MIA2: variants seen among roughly 807,000 people sequenced by gnomAD.
The protein encoded by MIA2 is melanoma inhibitory activity protein 2.
In MIA2, 127 loss-of-function variants were observed where a neutral mutation model predicts 167.8. The ratio of observed to expected loss-of-function variants is 0.76; its 90% CI spans 0.66 to 0.88. The LOEUF (loss-of-function observed/expected upper bound fraction) is 0.88, where lower values mean the gene tolerates loss of function less well. MIA2 is among the 40% of genes least tolerant of loss of function. The probability of loss-of-function intolerance (pLI) is 0.00; values close to 1 mark genes in which losing one functional copy is unlikely to be tolerated. For missense variants in MIA2, 1,690 were observed against 1,624.7 expected (o/e 1.04, Z -0.69); for synonymous variants, 552 against 541.9 (o/e 1.02, Z -0.26).
At chr14:39,334,500 A>G (rs1351415189) in intron 25 of MIA2, among the ~76,000 whole-genome samples, 1 of 151,978 alleles carries the variant, frequency 6.6e-6, no homozygotes, top group Non-Finnish European at 1.5e-5. Flanking sequence ...TGGTCACTGA[A>G]CAGATTTCAG....
In MIA2 at chr14:39,252,757, CT is replaced by C. The variant is rs760901005; in HGVS notation, c.1578del (p.Asn527ThrfsTer2). Reference protein sequence around the residue: ...KSSYSLSDMVSNIELPTRIHE... With the variant: ...KSSYSLSDMVXNIELPTRIHE... ...TTTTATTTATTTGTAGATATGGTCT[CT>C]AACATAGAGTTACCTACGAGAATTC... On this transcript the variant is annotated frameshift_variant, in exon 5 of 29. Transcript: ENST00000640607. LOFTEE classifies it high-confidence loss of function. The C allele has an allele frequency of 9.9e-6, 16 of 1,608,714 alleles. No individual in the cohort carries two copies. Among genetic ancestry groups the C allele is most frequent in the Non-Finnish European group, 1.4e-5 (16 of 1,176,466 alleles).
intron 21 of MIA2, among the ~76,000 whole-genome samples, chr14:39,317,613 T>A (rs185239845): frequency 6.6e-6 from 1 of 152,284 alleles, no homozygotes; most frequent in African/African-American, 2.4e-5. Flanking sequence ...TTAAAATCTC[T>A]TGTGTCCTAG....
chr14:39,247,840 A>C lies in MIA2; in HGVS notation c.1266A>C (p.Glu422Asp), dbSNP rs751261237. 6.3e-7 allele frequency: 1 copy of C among 1,590,848 alleles called. No individual in the cohort carries two copies. Among genetic ancestry groups the C allele is most frequent in the East Asian group, 2.2e-5 (1 of 44,788 alleles). Residue 422 changes from glutamate (E) to aspartate (D), a missense_variant, in exon 4 of 29, where the codon GAA becomes GAC. By Grantham distance (45) the Glu-to-Asp change is conservative. Coordinates refer to ENST00000640607, the MANE Select transcript of MIA2 (RefSeq NM_001329214.4). ...CTCTAACAAGTGAATTAGACCCTGA[A>C]AAAGAACAAGAAATAGAAACGATAA... ...EHPLTSELDP[E>D]KEQEIETIKI...
chr14:39,280,468 C>T (rs1279262070), intron 9 of MIA2, among the ~76,000 whole-genome samples: 5 of 152,154 alleles, frequency 3.3e-5, no homozygotes, highest in African/African-American at 1.2e-4. Flanking sequence ...CACGGTGGCT[C>T]ATGCTTGTAA....
At chr14:39,359,992 G>T (rs1034537985) in intron 23 of MIA2, among the ~76,000 whole-genome samples, 7 of 128,842 alleles carry the variant, frequency 5.4e-5, no homozygotes, top group East Asian at 4.2e-4. Flanking sequence ...TCTGCAGCAT[G>T]TTTTTTTTTT....
chr14:39,379,210 G>A (rs1436608393), intron 23 of MIA2, among the ~76,000 whole-genome samples: 4 of 151,976 alleles, frequency 2.6e-5, no homozygotes, highest in African/African-American at 9.7e-5. Context: ...ATGGGGCCCA[G>A]ATGCTGGTCT....
At chr14:39,242,574 C>T (rs943906739) in intron 3 of MIA2, among the ~76,000 whole-genome samples, 3 of 151,836 alleles carry the variant, frequency 2.0e-5, no homozygotes, top group Non-Finnish European at 4.4e-5. Context: ...CCACTTGCCT[C>T]GGCCTCCCAA....
intron 6 of MIA2, among the ~76,000 whole-genome samples, chr14:39,257,197 C>A (rs2054856829): frequency 6.6e-6 from 1 of 152,018 alleles, no homozygotes; most frequent in African/African-American, 2.4e-5. Context: ...TCAAAGTCTC[C>A]CAGTATTATT....
intron 9 of MIA2, among the ~76,000 whole-genome samples, chr14:39,288,461 A>ATTTTTTTTTT (rs1225086664): frequency 5.0e-5 from 1 of 19,890 alleles, no homozygotes; most frequent in African/African-American, 1.3e-4. Context: ...ATATATATAT[A>ATTTTTTTTTT]TATATATATA....
Position 39,247,847 on chromosome 14 carries a change from C to G in MIA2, c.1273C>G (p.Gln425Glu), listed in dbSNP as rs754609767. 6.3e-7 allele frequency: 1 copy of G among 1,588,380 alleles called. No individual in the cohort carries two copies. The highest frequency in any genetic ancestry group is 1.4e-5 in the African/African-American group (1 of 72,940). Residue 425 changes from glutamine (Q) to glutamate (E), a missense_variant, in exon 4 of 29, where the codon CAA (glutamine) becomes GAA (glutamate). Physicochemically the swap from Gln to Glu is conservative, Grantham distance 29. Coordinates refer to ENST00000640607, the MANE Select transcript of MIA2 (RefSeq NM_001329214.4). ...AAGTGAATTAGACCCTGAAAAAGAA[C>G]AAGAAATAGAAACGATAAAAATTAT... ...LTSELDPEKE[Q>E]EIETIKIIET...
chr14:39,268,921 C>T, intron 6 of MIA2: 1 of 782,416 alleles, frequency 1.3e-6, no homozygotes, highest in Non-Finnish European at 1.6e-6. Flanking sequence ...GAAAGAGAAG[C>T]ATATTTCCCT....
At chr14:39,355,236 G>A (rs1288574500), downstream of MIA2, among the ~76,000 whole-genome samples, 5 of 152,246 alleles carry the variant, frequency 3.3e-5, no homozygotes, top group African/African-American at 1.2e-4. Flanking sequence ...ATTTCATTGA[G>A]CAGTGGTTTG....
chr14:39,374,476 T>C (rs1313669953), intron 23 of MIA2, among the ~76,000 whole-genome samples: 4 of 152,214 alleles, frequency 2.6e-5, no homozygotes, highest in East Asian at 1.9e-4. Context: ...AGAACAGATA[T>C]GATGATGGCT....
chr14:39,313,275 A>T, intron 18 of MIA2, 65 bp from the exon 19 acceptor site: 1 of 805,970 alleles, frequency 1.2e-6, no homozygotes, highest in Non-Finnish European at 1.9e-6. Flanking sequence ...TTTCACAATT[A>T]AAAATATAGA....
chr14:39,341,163 G>A (rs2153051860), intron 25 of MIA2, among the ~76,000 whole-genome samples: 1 of 152,226 alleles, frequency 6.6e-6, no homozygotes, highest in African/African-American at 2.4e-5. Context: ...TTAGCCGGGT[G>A]TGGTGGCACG....
chr14:39,357,220 A>G (rs1378866415), intron 23 of MIA2, among the ~76,000 whole-genome samples: 2 of 152,154 alleles, frequency 1.3e-5, no homozygotes, highest in Non-Finnish European at 2.9e-5. Context: ...GACTTGCTTT[A>G]TGAATCTGGG....
intron 14 of MIA2, among the ~76,000 whole-genome samples, chr14:39,300,963 C>CACATATAT (rs1555378368): frequency 0.063 from 9,006 of 143,190 alleles, 988 homozygotes; most frequent in African/African-American, 0.21. Flanking sequence ...CATACATATA[C>CACATATAT]ACATATATAC....
intron 25 of MIA2, among the ~76,000 whole-genome samples, chr14:39,333,595 C>T (rs1232794593): frequency 6.6e-6 from 1 of 152,146 alleles, no homozygotes; most frequent in Non-Finnish European, 1.5e-5. Flanking sequence ...TGTGCTGCAA[C>T]TCACTGTGGT....
chr14:39,304,587 G>A (rs963799073), intron 17 of MIA2, among the ~76,000 whole-genome samples: 7 of 152,164 alleles, frequency 4.6e-5, no homozygotes, highest in African/African-American at 1.7e-4. Context: ...CTGTATTTAT[G>A]TGAAGTTAAA....
Sources: allele counts gnomAD v4.1 joint callset (sites outside exome capture counted in the v4.1 genomes callset), GRCh38; gene constraint gnomAD v4.1.1; transcripts MANE v1.5; gene names NCBI Gene and HGNC (gene_info 2026-07-23, HGNC 2026-07-21).